CNRIP1: variants seen among roughly 807,000 people sequenced by gnomAD.
CNRIP1 encodes the protein cannabinoid receptor interacting protein 1, also known as CB1 cannabinoid receptor-interacting protein 1.
CNRIP1 carries 10 observed loss-of-function variants against 15.2 expected under a neutral mutation model. The observed-to-expected ratio is 0.66, with a 90% CI of 0.41 to 1.12. The LOEUF (loss-of-function observed/expected upper bound fraction) is 1.12. Among genes scored for constraint, CNRIP1 ranks in the 50% most tolerant of loss-of-function variants. The pLI is 0.00. For synonymous variants in CNRIP1, 91 were observed against 83.2 expected (o/e 1.09, Z -0.51); for missense variants, 211 against 214.7 (o/e 0.98, Z 0.11).
Position 68,294,033 on chromosome 2 carries a change from G to C in CNRIP1, c.331-7C>G. The C allele has an allele frequency of 6.2e-7, 1 of 1,612,524 alleles. No individual in the cohort carries two copies. Among genetic ancestry groups the C allele is most frequent in the Non-Finnish European group, 8.5e-7 (1 of 1,178,908 alleles). The stretch of plus-strand genomic sequence containing the variant: ...AGGTCCCAATGTCTGTGAACTGAGG[G>C]AAGAGAAACATGCCTGATAAAAAAC... On this transcript the variant is annotated splice_polypyrimidine_tract_variant and splice_region_variant and intron_variant, in intron 2 of 2. Transcript: ENST00000263655.
chr2:68,314,797 C>A (rs1314869952), intron 2 of CNRIP1, among the ~76,000 whole-genome samples: 1 of 151,978 alleles, frequency 6.6e-6, no homozygotes, highest in African/African-American at 2.4e-5. Context: ...TTTGGAGAAG[C>A]ATAGATTATT....
chr2:68,292,627 A>G (rs951529310), downstream of CNRIP1, among the ~76,000 whole-genome samples: 6 of 152,168 alleles, frequency 3.9e-5, no homozygotes, highest in Non-Finnish European at 7.4e-5. Flanking sequence ...TGTATGGTAT[A>G]TGGGCTTTGT....
At chr2:68,297,346 C>A (rs1295032891) in intron 2 of CNRIP1, among the ~76,000 whole-genome samples, 4 of 151,962 alleles carry the variant, frequency 2.6e-5, no homozygotes, top group African/African-American at 9.7e-5. Context: ...ATAGTAGTAC[C>A]ACTTGAACCC....
chr2:68,298,767 T>C (rs1671484492), intron 2 of CNRIP1, among the ~76,000 whole-genome samples: 1 of 152,202 alleles, frequency 6.6e-6, no homozygotes, highest in South Asian at 2.1e-4. Context: ...TTCTTTCTTT[T>C]GGAGCTCTAT....
At chr2:68,296,647 A>G (rs1170362892) in intron 2 of CNRIP1, among the ~76,000 whole-genome samples, 1 of 151,664 alleles carries the variant, frequency 6.6e-6, no homozygotes, top group Non-Finnish European at 1.5e-5. Flanking sequence ...AATTTTTATT[A>G]TATTTTTGAG....
downstream of CNRIP1, among the ~76,000 whole-genome samples, chr2:68,289,990 A>G (rs559156830): frequency 6.9e-6 from 1 of 145,026 alleles, no homozygotes; most frequent in East Asian, 2.1e-4. Flanking sequence ...CTGAGCTGGG[A>G]TTTAAATTGA....
chr2:68,288,717 A>G (rs531928223), downstream of CNRIP1, among the ~76,000 whole-genome samples: 4 of 152,218 alleles, frequency 2.6e-5, no homozygotes, highest in Non-Finnish European at 5.9e-5. Flanking sequence ...GTTGGCAACA[A>G]TTAATATATC....
intron 2 of CNRIP1, among the ~76,000 whole-genome samples, chr2:68,301,893 CAAAAAAA>C (rs61613452): frequency 1.2e-4 from 9 of 74,270 alleles, no homozygotes; most frequent in East Asian, 3.8e-4. Context: ...GTCTCCGTCT[CAAAAAAA>C]AAAAAAAAAA....
At chr2:68,311,920 A>T (rs1672092277) in intron 2 of CNRIP1, among the ~76,000 whole-genome samples, 1 of 152,118 alleles carries the variant, frequency 6.6e-6, no homozygotes, top group African/African-American at 2.4e-5. Flanking sequence ...GAAATAAATG[A>T]CTTCTAAGAT....
chr2:68,309,948 T>C (rs1672012729), intron 2 of CNRIP1, among the ~76,000 whole-genome samples: 1 of 151,974 alleles, frequency 6.6e-6, no homozygotes, highest in African/African-American at 2.4e-5. Context: ...TCTTTATATT[T>C]ACGTATGTAT....
At chr2:68,308,379 A>T (rs896839039) in intron 2 of CNRIP1, among the ~76,000 whole-genome samples, 4 of 152,154 alleles carry the variant, frequency 2.6e-5, no homozygotes, top group African/African-American at 9.7e-5. Context: ...GAAGATTGGT[A>T]TTTTTAAAAT....
chr2:68,287,127 T>G (rs2103875562), intron 2 of CNRIP1, among the ~76,000 whole-genome samples: 1 of 152,366 alleles, frequency 6.6e-6, no homozygotes, highest in South Asian at 2.1e-4. Flanking sequence ...TTGTGACTTC[T>G]AACTTTCTCT....
At position 68,293,425 on chromosome 2, in the gene CNRIP1, T is replaced by TA; in HGVS notation, c.*436dup. On this transcript the variant is annotated 3_prime_UTR_variant, in exon 3 of 3. Coordinates refer to ENST00000263655, the MANE Select transcript of CNRIP1 (RefSeq NM_015463.3). ...CTGGCAAACACTGCAAGTTACATGT[T>TA]ACCATATTACACATGGGAGGACCCA... is the stretch of plus-strand genomic sequence containing the variant. 1 of 986,916 alleles carries TA rather than the reference T, an allele frequency of 1.0e-6. No homozygotes were observed. The allele number at this position is 986,916 out of a possible 1,614,324, so 61.1% of individuals were successfully genotyped here. A position where few individuals can be genotyped will look rare whatever the true frequency, so the allele number is the denominator to read the frequency against.
chr2:68,318,039 C>T (rs1401094715), intron 1 of CNRIP1, among the ~76,000 whole-genome samples: 2 of 148,946 alleles, frequency 1.3e-5, no homozygotes, highest in African/African-American at 4.9e-5. Context: ...AATATATTAA[C>T]AGATAACTCC....
intron 2 of CNRIP1, among the ~76,000 whole-genome samples, chr2:68,299,363 C>T (rs1440622658): frequency 6.6e-6 from 1 of 152,082 alleles, no homozygotes. Flanking sequence ...TAAATCCTAA[C>T]TGTAATGGTA....
intron 2 of CNRIP1, among the ~76,000 whole-genome samples, chr2:68,311,415 A>C (rs1034068625): frequency 1.3e-5 from 2 of 152,234 alleles, no homozygotes; most frequent in African/African-American, 4.8e-5. Flanking sequence ...TGAAAAGGCC[A>C]ATAAAACTGA....
In CNRIP1 at chr2:68,319,734, C is replaced by G. The variant is rs1431217351; in HGVS notation, c.-334G>C. 7.0e-6 allele frequency: 2 copies of G among 287,146 alleles called. No homozygotes were observed. The highest frequency in any genetic ancestry group is 1.3e-5 in the Non-Finnish European group (2 of 151,548). 17.8% of individuals were successfully genotyped at this position (287,146 alleles called of 1,614,324 possible). A position where few individuals can be genotyped will look rare whatever the true frequency, so the allele number is the denominator to read the frequency against. On this transcript the variant is annotated 5_prime_UTR_variant, in exon 1 of 3. Transcript: ENST00000263655. ...GCCCGCAGGCCGCCGCGCAGATCCG[C>G]GCAGCTGGGGGCGAGGGAGTTAATC... is the stretch of plus-strand genomic sequence containing the variant.
chr2:68,285,668 A>AAAAAAGAAAAG (rs539747999), intron 2 of CNRIP1, among the ~76,000 whole-genome samples: 18 of 124,458 alleles, frequency 1.4e-4, no homozygotes, highest in African/African-American at 5.5e-4. Flanking sequence ...AAAAAAAAAA[A>AAAAAAGAAAAG]AAAAGAAAAG....
At chr2:68,286,901 C>T (rs1671045332) in intron 2 of CNRIP1, among the ~76,000 whole-genome samples, 3 of 152,186 alleles carry the variant, frequency 2.0e-5, no homozygotes, top group South Asian at 2.1e-4. Context: ...ATGTACTCTT[C>T]AGGATGATTT....
Sources: gnomAD v4.1 joint callset for allele counts (sites outside exome capture counted in the v4.1 genomes callset) on GRCh38, gnomAD v4.1.1 for gene constraint, MANE v1.5 for transcripts, NCBI Gene and HGNC (gene_info 2026-07-23, HGNC 2026-07-21) for gene names.